LTO1: variants seen among roughly 807,000 people sequenced by gnomAD.
LTO1 encodes the protein protein LTO1 homolog.
A neutral mutation model predicts 19.8 loss-of-function variants in LTO1; 18 were observed. The ratio of observed to expected loss-of-function variants is 0.91; its 90% CI spans 0.63 to 1.35. The LOEUF (loss-of-function observed/expected upper bound fraction) is 1.35, where lower values mean the gene tolerates loss of function less well. Ranked by LOEUF, LTO1 falls within the 40% of genes most tolerant of loss-of-function variation. The probability of loss-of-function intolerance (pLI) is 0.00; values close to 1 mark genes in which losing one functional copy is unlikely to be tolerated. For synonymous variants in LTO1, 59 were observed against 59.6 expected, an observed-to-expected ratio of 0.99 and a Z score of 0.05; for missense variants, 175 against 167.9, an observed-to-expected ratio of 1.04 and a Z score of -0.23.
chr11:69,675,025 G>A (rs1455358481), intron 1 of LTO1, 165 bp downstream of exon 1: 1 of 704,678 alleles, frequency 1.4e-6, no homozygotes, highest in Non-Finnish European at 2.6e-6. Flanking sequence ...GAGGACCAGA[G>A]CATCAGGCCC....
At chr11:69,671,890 A>C in intron 2 of LTO1, 71 bp from the exon 3 acceptor site, 2 of 907,862 alleles carry the variant, frequency 2.2e-6, no homozygotes, top group African/African-American at 1.6e-5. Flanking sequence ...CCAAGATCTC[A>C]AAACAAAAGG....
At chr11:69,671,696 G>A in intron 3 of LTO1, 53 bp downstream of exon 3, 1 of 971,528 alleles carries the variant, frequency 1.0e-6, no homozygotes. Flanking sequence ...GTAACCCATG[G>A]AACTAGAACT....
In LTO1 at chr11:69,675,345, C is replaced by G. The variant is rs1856176794; in HGVS notation, c.-106G>C. The stretch of plus-strand genomic sequence containing the variant: ...ATGCTCCGCTTGGGAGGAGACGAGA[C>G]CCACTTCCGGAAGCGGCGGCGCGGG... On this transcript the variant is annotated 5_prime_UTR_variant, in exon 1 of 5. Transcript: ENST00000279147. 1 of 955,950 alleles carries G rather than the reference C, an allele frequency of 1.0e-6. No homozygotes were observed. The highest frequency in any genetic ancestry group is 1.9e-5 in the South Asian group (1 of 51,464). The allele number at this position is 955,950 out of a possible 1,614,324, so 59.2% of individuals were successfully genotyped here.
In LTO1 at chr11:69,667,496, C is replaced by G. The variant is rs374241312; in HGVS notation, c.*23G>C. ...ACACACACATCTGTTCCTCGACGTT[C>G]GGTCTCTGTTCATCCATCCTCCTCA... On this transcript the variant is annotated 3_prime_UTR_variant, in exon 5 of 5. Transcript: ENST00000279147. The G allele has an allele frequency of 1.3e-6, 2 of 1,505,472 alleles. No individual in the cohort carries two copies. Among genetic ancestry groups the G allele is most frequent in the Non-Finnish European group, 1.9e-6 (2 of 1,080,976 alleles). 93.3% of individuals were successfully genotyped at this position (1,505,472 alleles called of 1,614,324 possible). A position where few individuals can be genotyped will look rare whatever the true frequency, so the allele number is the denominator to read the frequency against.
intron 3 of LTO1, among the ~76,000 whole-genome samples, chr11:69,670,339 A>T (rs1030556693): frequency 2.6e-5 from 4 of 152,258 alleles, no homozygotes; most frequent in Non-Finnish European, 4.4e-5. Context: ...GAAGGGAGAC[A>T]GGCGGAGAAC....
intron 1 of LTO1, 167 bp from the exon 2 acceptor site, chr11:69,673,488 C>T (rs1856141729): frequency 1.7e-6 from 1 of 588,926 alleles, no homozygotes; most frequent in African/African-American, 1.9e-5. Flanking sequence ...AGATCTACCA[C>T]TTCCTATTTG....
rs1856175268 is a variant in LTO1 at position 69,675,287 on chromosome 11, G to A, written c.-48C>T. On this transcript the variant is annotated 5_prime_UTR_variant, in exon 1 of 5. Transcript: ENST00000279147. ...GCCCCCGGGTTTCTGCAGCCCCGCG[G>A]TGCCGTAGCAGACCCGGCAGCTTCA... 4 of 1,424,488 alleles carry A rather than the reference G, an allele frequency of 2.8e-6. No homozygotes were observed. The highest frequency in any genetic ancestry group is 2.9e-5 in the South Asian group (2 of 68,076). 88.2% of individuals were successfully genotyped at this position (1,424,488 alleles called of 1,614,324 possible). A position where few individuals can be genotyped will look rare whatever the true frequency, so the allele number is the denominator to read the frequency against.
intron 1 of LTO1, chr11:69,674,987 C>T: frequency 1.4e-6 from 1 of 692,538 alleles, no homozygotes; most frequent in Non-Finnish European, 2.6e-6. Flanking sequence ...CAGCTGGGCA[C>T]GTGCCCCGCC....
intron 2 of LTO1, chr11:69,672,948 A>G (rs1856128146): frequency 2.3e-6 from 1 of 439,956 alleles, no homozygotes; most frequent in Non-Finnish European, 4.4e-6. Flanking sequence ...GATTACAGGC[A>G]TGCACCACCA....
At position 69,671,791 on chromosome 11, in the gene LTO1, G is replaced by T. The variant is rs770408516; in HGVS notation, c.185C>A (p.Ala62Glu). The change falls in exon 3 of 5, where the codon GCA (alanine) becomes GAA (glutamate). Residue 62 changes from alanine (A) to glutamate (E), a missense_variant. Physicochemically the swap from Ala to Glu is moderately radical, Grantham distance 107. Transcript: ENST00000279147. ...EIGCYQGFAFAWKCLLHSCTT... is the reference protein window; with the variant it reads ...EIGCYQGFAFEWKCLLHSCTT... ...GCAACTGTGCAGTAGACATTTCCAT[G>T]CAAAAGCAAAACCTTGGTAGCACCC... The T allele has an allele frequency of 1.9e-6, 3 of 1,603,314 alleles. No individual in the cohort carries two copies. The Admixed American group carries it at 5.0e-5, about 27-fold the overall frequency.
At chr11:69,671,555 C>T in intron 3 of LTO1, 194 bp downstream of exon 3, 1 of 556,348 alleles carries the variant, frequency 1.8e-6, no homozygotes, top group South Asian at 2.2e-5. Context: ...TCACCAAACA[C>T]CTAAAATGTG....
rs1381815129 is a variant in LTO1 at position 69,666,598 on chromosome 11, G to C, written c.*921C>G. On this transcript the variant is annotated 3_prime_UTR_variant, in exon 5 of 5. Coordinates refer to ENST00000279147, the MANE Select transcript of LTO1 (RefSeq NM_153451.3). ...GGAGAATGCAGGAGGCTATACGCATGGTTCTCAAAGCTTCTGCAAATATAA... is the reference window on the plus strand; with the variant it reads ...GGAGAATGCAGGAGGCTATACGCATCGTTCTCAAAGCTTCTGCAAATATAA... 6.6e-6 allele frequency: 1 copy of C among 152,276 alleles called. No homozygotes were observed. Among genetic ancestry groups the C allele is most frequent in the Non-Finnish European group, 1.5e-5 (1 of 68,058 alleles). 9.4% of individuals were successfully genotyped at this position (152,276 alleles called of 1,614,324 possible). A position where few individuals can be genotyped will look rare whatever the true frequency, so the allele number is the denominator to read the frequency against.
chr11:69,674,844 A>C, intron 1 of LTO1: 2 of 553,042 alleles, frequency 3.6e-6, no homozygotes, highest in Non-Finnish European at 3.4e-6. Flanking sequence ...TGATTAAGGA[A>C]CCAGAAAAAA....
chr11:69,671,692 C>A (rs1171461840), intron 3 of LTO1, 57 bp downstream of exon 3: 2 of 932,920 alleles, frequency 2.1e-6, no homozygotes, highest in Admixed American at 1.7e-5. Flanking sequence ...GCTGGTAACC[C>A]ATGGAACTAG....
At chr11:69,674,577 G>A (rs775317747) in intron 1 of LTO1, 27 of 357,428 alleles carry the variant, frequency 7.6e-5, no homozygotes, top group African/African-American at 5.8e-4. Context: ...AGATAACCAG[G>A]GTGGAACGTT....
At chr11:69,674,168 A>G (rs1590924906) in intron 1 of LTO1, among the ~76,000 whole-genome samples, 1 of 152,130 alleles carries the variant, frequency 6.6e-6, no homozygotes, top group East Asian at 1.9e-4. Flanking sequence ...TCTACTTTTC[A>G]AAGTCTCCTA....
At chr11:69,670,483 G>A (rs1856095661) in intron 3 of LTO1, among the ~76,000 whole-genome samples, 1 of 152,194 alleles carries the variant, frequency 6.6e-6, no homozygotes, top group Non-Finnish European at 1.5e-5. Flanking sequence ...CTGAGAACCA[G>A]GAGGAAAATG....
Position 69,668,009 on chromosome 11 carries a change from TCTGCTGTAAAGCACAGA to T in LTO1, c.228-14_230del. The T allele has an allele frequency of 6.8e-7, 1 of 1,462,538 alleles. No individual in the cohort carries two copies. Among genetic ancestry groups the T allele is most frequent in the Non-Finnish European group, 9.6e-7 (1 of 1,041,604 alleles). 90.6% of individuals were successfully genotyped at this position (1,462,538 alleles called of 1,614,324 possible). ...TCAATGATTCTAAGACCTTCATCTT[TCTGCTGTAAAGCACAGA>T]AATACAGACTCTCAGTCATGTGCAC... On this transcript the variant is annotated splice_acceptor_variant and splice_polypyrimidine_tract_variant and coding_sequence_variant and intron_variant, in exon 4 of 5. Coordinates refer to ENST00000279147, the MANE Select transcript of LTO1 (RefSeq NM_153451.3). LOFTEE classifies it high-confidence loss of function.
chr11:69,672,560 C>T (rs572673726), intron 2 of LTO1: 12 of 155,656 alleles, frequency 7.7e-5, no homozygotes, highest in African/African-American at 2.6e-4. Flanking sequence ...GAAATTTCAA[C>T]GTAAACATAA....
Sources: allele counts gnomAD v4.1 joint callset (sites outside exome capture counted in the v4.1 genomes callset), GRCh38; gene constraint gnomAD v4.1.1; transcripts MANE v1.5; gene names NCBI Gene and HGNC (gene_info 2026-07-23, HGNC 2026-07-21).